CAMTA1: variants seen among roughly 807,000 people sequenced by gnomAD.
CAMTA1 encodes the protein calmodulin binding transcription activator 1.
Under a neutral mutation model 170.9 loss-of-function variants are expected in CAMTA1, and 27 were observed. That is an observed-to-expected ratio of 0.16 (90% CI 0.12 to 0.22). CAMTA1 has a LOEUF of 0.22. CAMTA1 is among the 10% of genes least tolerant of loss of function. CAMTA1 has a pLI of 1.00. For missense variants in CAMTA1, 1,619 were observed against 2,217.2 expected, an observed-to-expected ratio of 0.73 and a Z score of 5.42; for synonymous variants, 833 against 891.5, an observed-to-expected ratio of 0.93 and a Z score of 1.17.
chr1:7,754,095 A>G (rs996775989), intron 21 of CAMTA1, among the ~76,000 whole-genome samples: 2 of 152,200 alleles, frequency 1.3e-5, no homozygotes, highest in African/African-American at 4.8e-5. Context: ...ACATTCTCCA[A>G]TACGTTCATA....
intron 6 of CAMTA1, among the ~76,000 whole-genome samples, chr1:7,469,332 T>C (rs138285709): frequency 4.6e-4 from 70 of 152,312 alleles, no homozygotes; most frequent in Admixed American, 1.0e-3. Context: ...TCCCAAGGTG[T>C]TCCACCCCTT....
chr1:6,827,535 ATT>A (rs367938378), intron 3 of CAMTA1, among the ~76,000 whole-genome samples: 1 of 145,866 alleles, frequency 6.9e-6, no homozygotes, highest in Non-Finnish European at 1.5e-5. Context: ...ATAACCTGCT[ATT>A]TTTTTTTTTT....
intron 6 of CAMTA1, among the ~76,000 whole-genome samples, chr1:7,502,849 G>A (rs1289574768): frequency 6.6e-6 from 1 of 152,212 alleles, no homozygotes; most frequent in African/African-American, 2.4e-5. Flanking sequence ...CAGCACACAA[G>A]AGCTCCCCTA....
chr1:7,291,052 A>T (rs1268276724), intron 5 of CAMTA1, among the ~76,000 whole-genome samples: 1 of 152,094 alleles, frequency 6.6e-6, no homozygotes, highest in Non-Finnish European at 1.5e-5. Context: ...CCATTGCCAC[A>T]TTCCTCTTCT....
At chr1:7,276,303 A>ATAATTTTTTTTTTTTTTTTTTTTTTTTTT in intron 5 of CAMTA1, among the ~76,000 whole-genome samples, 1 of 24,232 alleles carries the variant, frequency 4.1e-5, no homozygotes, top group African/African-American at 3.0e-4. Context: ...ATATATATAT[A>ATAATTTTTTTTTTTTTTTTTTTTTTTTTT]TTTTTTTTTT....
intron 4 of CAMTA1, among the ~76,000 whole-genome samples, chr1:7,187,236 C>G (rs1021594727): frequency 6.6e-6 from 1 of 152,070 alleles, no homozygotes; most frequent in African/African-American, 2.4e-5. Flanking sequence ...AGAATCCTGA[C>G]CAGTGCCAGC....
At chr1:6,987,487 G>C (rs1695559913) in intron 3 of CAMTA1, among the ~76,000 whole-genome samples, 1 of 152,156 alleles carries the variant, frequency 6.6e-6, no homozygotes, top group Non-Finnish European at 1.5e-5. Context: ...AAATGGTCTG[G>C]GTGGGGCTCT....
rs377275700 is a variant in CAMTA1 at position 7,640,588 on chromosome 1, T to A, written c.664+35T>A. The A allele has an allele frequency of 3.1e-6, 5 of 1,613,198 alleles. No individual in the cohort carries two copies. The African/African-American group carries it at 6.7e-5, about 22-fold the overall frequency. ...CTTGGCCGGCCTGGCGCCCCCACGC[T>A]GGGAACCAGGCTGGCATCAACCAGG... On this transcript the variant is annotated intron_variant, in intron 7 of 22. Transcript: ENST00000303635.
At chr1:7,485,326 A>G (rs1305912385) in intron 6 of CAMTA1, among the ~76,000 whole-genome samples, 1 of 152,134 alleles carries the variant, frequency 6.6e-6, no homozygotes, top group Non-Finnish European at 1.5e-5. Context: ...AGGGGAGACA[A>G]GAAGGAAGCC....
chr1:6,895,238 G>A (rs1406443509), intron 3 of CAMTA1, among the ~76,000 whole-genome samples: 2 of 152,222 alleles, frequency 1.3e-5, no homozygotes, highest in African/African-American at 4.8e-5. Flanking sequence ...TGAAGGCTGA[G>A]ATTCACTTAA....
chr1:7,263,662 G>C (rs1013319161), intron 5 of CAMTA1, among the ~76,000 whole-genome samples: 3 of 152,160 alleles, frequency 2.0e-5, no homozygotes, highest in African/African-American at 7.2e-5. Context: ...AAAGCCCAGA[G>C]ATCTATGGGC....
chr1:7,572,479 C>T (rs1263309597), intron 6 of CAMTA1, among the ~76,000 whole-genome samples: 2 of 152,168 alleles, frequency 1.3e-5, no homozygotes, highest in Non-Finnish European at 2.9e-5. Context: ...TTAGGTCTTA[C>T]ATTTAAGTCT....
At chr1:7,489,710 C>T (rs1291966277) in intron 6 of CAMTA1, among the ~76,000 whole-genome samples, 2 of 152,202 alleles carry the variant, frequency 1.3e-5, no homozygotes, top group Non-Finnish European at 2.9e-5. Context: ...TCCAGCCTCC[C>T]CACCCTCCTG....
chr1:7,622,994 G>A (rs1237172160), intron 6 of CAMTA1, among the ~76,000 whole-genome samples: 2 of 152,200 alleles, frequency 1.3e-5, no homozygotes, highest in East Asian at 3.9e-4. Context: ...CTCTCCCAGA[G>A]CTCCCCACAG....
At chr1:7,559,723 A>G (rs1306317281) in intron 6 of CAMTA1, among the ~76,000 whole-genome samples, 2 of 152,060 alleles carry the variant, frequency 1.3e-5, no homozygotes, top group Non-Finnish European at 2.9e-5. Flanking sequence ...GCTGAGCCCC[A>G]GGAGCTTGGC....
chr1:7,579,183 C>G (rs1250518904), intron 6 of CAMTA1, among the ~76,000 whole-genome samples: 1 of 152,226 alleles, frequency 6.6e-6, no homozygotes, highest in Non-Finnish European at 1.5e-5. Flanking sequence ...TCTGGTGGCA[C>G]CAAGGCTGCC....
At chr1:6,861,017 T>G (rs1349117569) in intron 3 of CAMTA1, among the ~76,000 whole-genome samples, 1 of 146,096 alleles carries the variant, frequency 6.8e-6, no homozygotes, top group Non-Finnish European at 1.5e-5. Context: ...CAGGCTGGAG[T>G]GCAGTGGTGT....
At chr1:7,666,165 C>CT (rs1005449369) in intron 9 of CAMTA1, among the ~76,000 whole-genome samples, 1 of 126,956 alleles carries the variant, frequency 7.9e-6, no homozygotes, top group African/African-American at 2.8e-5. Flanking sequence ...ATGAAACTGT[C>CT]TTAAAAAAAA....
At chr1:6,931,087 G>A (rs1012008464) in intron 3 of CAMTA1, among the ~76,000 whole-genome samples, 26 of 152,192 alleles carry the variant, frequency 1.7e-4, no homozygotes, top group African/African-American at 5.3e-4. Flanking sequence ...AAGGCATGGG[G>A]GCAAAAAGAA....
Sources: allele counts gnomAD v4.1 joint callset (sites outside exome capture counted in the v4.1 genomes callset), GRCh38; gene constraint gnomAD v4.1.1; transcripts MANE v1.5; gene names NCBI Gene and HGNC (gene_info 2026-07-23, HGNC 2026-07-21).